AGBL4: variants seen among roughly 807,000 people sequenced by gnomAD.
AGBL4 encodes the protein cytosolic carboxypeptidase 6.
In AGBL4, 58 loss-of-function variants were observed where a neutral mutation model predicts 66.4. The ratio of observed to expected loss-of-function variants is 0.87; its 90% CI spans 0.71 to 1.09. The LOEUF is 1.09. AGBL4 is among the 50% of genes least tolerant of loss of function. The pLI, the probability that AGBL4 is intolerant of heterozygous loss-of-function variation, is 0.00. For synonymous variants in AGBL4, 234 were observed against 222.9 expected (o/e 1.05, Z -0.44); for missense variants, 579 against 631.0 (o/e 0.92, Z 0.88).
chr1:48,688,645 C>T (rs1332337395), intron 6 of AGBL4, among the ~76,000 whole-genome samples: 1 of 152,128 alleles, frequency 6.6e-6, no homozygotes, highest in Admixed American at 6.5e-5. Context: ...CATTGCTGAG[C>T]CACTGCTAGC....
chr1:49,291,783 A>G (rs567280395), intron 3 of AGBL4, among the ~76,000 whole-genome samples: 1 of 152,306 alleles, frequency 6.6e-6, no homozygotes, highest in Admixed American at 6.5e-5. Flanking sequence ...GCAGGGAGGC[A>G]TGGCTGGGGC....
intron 2 of AGBL4, among the ~76,000 whole-genome samples, chr1:49,776,508 A>C (rs1297835840): frequency 6.6e-6 from 1 of 152,104 alleles, no homozygotes; most frequent in African/African-American, 2.4e-5. Context: ...CTCTGGCTTC[A>C]TCTTAGTCTA....
chr1:49,835,660 A>G (rs1571677724), intron 2 of AGBL4, among the ~76,000 whole-genome samples: 1 of 152,138 alleles, frequency 6.6e-6, no homozygotes, highest in Non-Finnish European at 1.5e-5. Context: ...CAGTTTCTTC[A>G]TAGTGTCAAT....
At chr1:49,290,554 G>T (rs1440580705) in intron 3 of AGBL4, among the ~76,000 whole-genome samples, 1 of 152,186 alleles carries the variant, frequency 6.6e-6, no homozygotes, top group African/African-American at 2.4e-5. Flanking sequence ...TTAAGAAGGG[G>T]AAAGGATTTG....
intron 3 of AGBL4, among the ~76,000 whole-genome samples, chr1:49,495,580 G>A (rs956548184): frequency 6.6e-6 from 1 of 151,720 alleles, no homozygotes; most frequent in African/African-American, 2.4e-5. Context: ...AACCTGATGT[G>A]ACTATTTTGA....
chr1:49,373,876 C>T (rs1178847909), intron 3 of AGBL4, among the ~76,000 whole-genome samples: 1 of 152,082 alleles, frequency 6.6e-6, no homozygotes, highest in East Asian at 1.9e-4. Flanking sequence ...ATCATGATGA[C>T]AAGTGGCCCG....
chr1:48,642,621 C>T (rs2148426371), intron 8 of AGBL4, among the ~76,000 whole-genome samples: 1 of 152,244 alleles, frequency 6.6e-6, no homozygotes, highest in African/African-American at 2.4e-5. Flanking sequence ...CATGGCTATT[C>T]AAGGGTAGAG....
At chr1:48,689,429 CTTCT>C (rs1222555772) in intron 6 of AGBL4, among the ~76,000 whole-genome samples, 5 of 137,164 alleles carry the variant, frequency 3.6e-5, no homozygotes, top group African/African-American at 1.8e-4. Flanking sequence ...TCCTTCCTTT[CTTCT>C]TTCCTTCCCT....
At chr1:49,314,573 T>C (rs1435870549) in intron 3 of AGBL4, among the ~76,000 whole-genome samples, 2 of 152,168 alleles carry the variant, frequency 1.3e-5, no homozygotes, top group Admixed American at 6.5e-5. Context: ...ATCTTTTTTA[T>C]GGCTGCATAG....
At chr1:48,948,601 A>T (rs971437531) in intron 5 of AGBL4, among the ~76,000 whole-genome samples, 5 of 152,174 alleles carry the variant, frequency 3.3e-5, no homozygotes, top group African/African-American at 4.8e-5. Flanking sequence ...AATTTATATC[A>T]TCTATTTTTT....
intron 2 of AGBL4, among the ~76,000 whole-genome samples, chr1:49,833,914 A>G (rs1645773259): frequency 6.6e-6 from 1 of 152,272 alleles, no homozygotes; most frequent in African/African-American, 2.4e-5. Flanking sequence ...GGGGTTTTCT[A>G]GATATACAAT....
intron 2 of AGBL4, among the ~76,000 whole-genome samples, chr1:49,710,711 T>TA (rs1491364872): frequency 6.6e-6 from 1 of 151,730 alleles, no homozygotes; most frequent in African/African-American, 2.4e-5. Flanking sequence ...AACTATATTT[T>TA]AAAAAACTAA....
intron 1 of AGBL4, among the ~76,000 whole-genome samples, chr1:49,913,572 GGTGGCCCTA>G (rs1375133945): frequency 1.3e-5 from 2 of 152,216 alleles, no homozygotes; most frequent in African/African-American, 2.4e-5. Context: ...GTTGGATGCT[GGTGGCCCTA>G]CAGTTCTGTG....
intron 1 of AGBL4, among the ~76,000 whole-genome samples, chr1:49,934,130 A>G (rs1441347236): frequency 6.6e-6 from 1 of 152,190 alleles, no homozygotes; most frequent in Non-Finnish European, 1.5e-5. Flanking sequence ...GTAGATAGCA[A>G]TGTGTACATA....
At chr1:49,636,230 A>C (rs762658878) in intron 3 of AGBL4, among the ~76,000 whole-genome samples, 7 of 152,328 alleles carry the variant, frequency 4.6e-5, no homozygotes, top group Non-Finnish European at 1.0e-4. Context: ...GGGCATTGGT[A>C]AGTCCAAGAT....
chr1:49,459,380 G>A (rs1031392442), intron 3 of AGBL4, among the ~76,000 whole-genome samples: 1 of 151,704 alleles, frequency 6.6e-6, no homozygotes, highest in Non-Finnish European at 1.5e-5. Context: ...AGGTTTTCTA[G>A]TTTATGTGCA....
At chr1:49,880,010 A>T (rs1647167478) in intron 1 of AGBL4, among the ~76,000 whole-genome samples, 1 of 150,360 alleles carries the variant, frequency 6.7e-6, no homozygotes, top group Non-Finnish European at 1.5e-5. Context: ...TTTCAGCTCC[A>T]TCAGCTCCTT....
At chr1:49,400,473 G>A (rs1269097716) in intron 3 of AGBL4, among the ~76,000 whole-genome samples, 1 of 152,110 alleles carries the variant, frequency 6.6e-6, no homozygotes, top group East Asian at 1.9e-4. Context: ...GCTTTGGAGA[G>A]TATAAACATT....
intron 3 of AGBL4, among the ~76,000 whole-genome samples, chr1:49,486,447 A>G (rs1225435297): frequency 6.6e-6 from 1 of 151,968 alleles, no homozygotes; most frequent in African/African-American, 2.4e-5. Context: ...GAGAAAGCCC[A>G]TCTCAGTTAA....
Sources: gnomAD v4.1 joint callset for allele counts (sites outside exome capture counted in the v4.1 genomes callset) on GRCh38, gnomAD v4.1.1 for gene constraint, MANE v1.5 for transcripts, NCBI Gene and HGNC (gene_info 2026-07-23, HGNC 2026-07-21) for gene names.